The following ZC4H2 variants were observed in gnomAD, a reference collection of about 807,000 sequenced individuals.
ZC4H2 encodes the protein zinc finger C4H2-type containing.
For missense variants in ZC4H2, 137 were observed against 173.9 expected (o/e 0.79, Z 1.19); for synonymous variants, 84 against 66.3 (o/e 1.27, Z -1.30).
In ZC4H2 at chrX:64,916,894, C is replaced by T. The variant is rs1199091131; in HGVS notation, c.*889G>A. The T allele has an allele frequency of 8.9e-6, 1 of 112,191 alleles. No homozygotes were observed. Among genetic ancestry groups the T allele is most frequent in the Non-Finnish European group, 1.9e-5 (1 of 53,192 alleles). The allele number at this position is 112,191 out of a possible 1,213,427, so 9.2% of individuals were successfully genotyped here. A position where few individuals can be genotyped will look rare whatever the true frequency, so the allele number is the denominator to read the frequency against. On this transcript the variant is annotated 3_prime_UTR_variant, in exon 5 of 5. Coordinates refer to ENST00000374839, the MANE Select transcript of ZC4H2 (RefSeq NM_018684.4). ...TACTCAAATCTAAATCTACTCCTCTCCTCCCTGCAATATACCATTGAGCAT... is the reference window on the plus strand; with the variant it reads ...TACTCAAATCTAAATCTACTCCTCTTCTCCCTGCAATATACCATTGAGCAT...
intron 1 of ZC4H2, among the ~76,000 whole-genome samples, chrX:64,964,133 T>C (rs1931502140): frequency 9.0e-6 from 1 of 111,193 alleles, no homozygotes. Flanking sequence ...TGCTTCTAGT[T>C]AACAATACTG....
chrX:64,956,516 G>C (rs1931161804), intron 1 of ZC4H2, among the ~76,000 whole-genome samples: 1 of 111,498 alleles, frequency 9.0e-6, no homozygotes, highest in African/African-American at 3.3e-5. Flanking sequence ...GGTAACTTAT[G>C]AATTACACGC....
chrX:64,959,629 C>G (rs1023435275), intron 1 of ZC4H2, among the ~76,000 whole-genome samples: 3 of 108,592 alleles, frequency 2.8e-5, no homozygotes, highest in African/African-American at 1.0e-4. Context: ...ATGGTGAAAT[C>G]TTTTTGAGGA....
chrX:64,948,338 T>C (rs1212245458), intron 1 of ZC4H2, among the ~76,000 whole-genome samples: 1 of 111,026 alleles, frequency 9.0e-6, no homozygotes, highest in Non-Finnish European at 1.9e-5. Context: ...TGGCAGTAAA[T>C]GGCAATATTG....
At chrX:64,963,495 A>G (rs1038041378) in intron 1 of ZC4H2, among the ~76,000 whole-genome samples, 14 of 111,819 alleles carry the variant, frequency 1.3e-4, no homozygotes, top group Admixed American at 6.6e-4. Flanking sequence ...GTAAAATGGC[A>G]AACTGCATAA....
chrX:64,966,918 C>G (rs967307952), intron 1 of ZC4H2, among the ~76,000 whole-genome samples: 2 of 111,491 alleles, frequency 1.8e-5, no homozygotes, highest in African/African-American at 6.5e-5. Context: ...GAATTGTACA[C>G]TTGAAATGGA....
chrX:64,951,604 G>C lies in ZC4H2; in HGVS notation c.53+24721C>G, dbSNP rs1023287125. ...TTTGGCTGCATAAATGTCTTCTTTT[G>C]AGAAGTGTCTGTTCATGTCCTTCGC... On this transcript the variant is annotated intron_variant, in intron 1 of 4. Coordinates refer to ENST00000374839, the MANE Select transcript of ZC4H2 (RefSeq NM_018684.4). Among the ~76,000 whole-genome samples the C allele has an allele frequency of 4.5e-5, 5 of 111,948 alleles. 1 individual carries two copies. The highest frequency in any genetic ancestry group is 9.4e-5 in the Non-Finnish European group (5 of 53,230).
intron 1 of ZC4H2, among the ~76,000 whole-genome samples, chrX:64,946,751 G>A (rs759389413): frequency 1.2e-4 from 13 of 111,727 alleles, no homozygotes; most frequent in African/African-American, 3.9e-4. Context: ...GGATTTCACA[G>A]CACAGGTAAT....
At chrX:64,969,793 A>AT (rs1931716559) in intron 1 of ZC4H2, among the ~76,000 whole-genome samples, 1 of 111,986 alleles carries the variant, frequency 8.9e-6, no homozygotes, top group African/African-American at 3.2e-5. Context: ...AGAGGGTCAC[A>AT]TAAAAAGAGG....
intron 1 of ZC4H2, among the ~76,000 whole-genome samples, chrX:64,940,560 G>A (rs1930233657): frequency 9.0e-6 from 1 of 111,477 alleles, no homozygotes. Context: ...AATTCATCCT[G>A]AGTTAATTTT....
At chrX:64,964,193 T>C (rs1465364854) in intron 1 of ZC4H2, among the ~76,000 whole-genome samples, 2 of 108,940 alleles carry the variant, frequency 1.8e-5, no homozygotes, top group African/African-American at 6.7e-5. Context: ...TCTGTGACCT[T>C]ACCACAGTAA....
intron 1 of ZC4H2, among the ~76,000 whole-genome samples, chrX:64,936,938 C>T (rs900715436): frequency 1.8e-5 from 2 of 111,483 alleles, no homozygotes; most frequent in East Asian, 2.8e-4. Flanking sequence ...TAAATGTAAA[C>T]GAGCTAAATG....
intron 1 of ZC4H2, among the ~76,000 whole-genome samples, chrX:64,928,856 TCTC>T (rs1197305244): frequency 4.0e-5 from 4 of 100,370 alleles, no homozygotes; most frequent in Non-Finnish European, 8.0e-5. Flanking sequence ...TCCTCCTCCT[TCTC>T]CTTCTTCTCC....
chrX:65,008,301 G>A (rs745885040), intron 1 of ZC4H2, among the ~76,000 whole-genome samples: 43 of 111,655 alleles, frequency 3.9e-4, no homozygotes, highest in Non-Finnish European at 7.5e-4. Context: ...TTGTCTAAAA[G>A]ATAGGCAATA....
At chrX:64,992,625 C>T (rs747567736) in intron 1 of ZC4H2, among the ~76,000 whole-genome samples, 2 of 111,443 alleles carry the variant, frequency 1.8e-5, no homozygotes, top group African/African-American at 3.3e-5. Context: ...TTCGGACTTG[C>T]CTGCTCTGCC....
intron 1 of ZC4H2, among the ~76,000 whole-genome samples, chrX:65,002,080 G>A (rs1307596561): frequency 1.8e-5 from 2 of 111,405 alleles, no homozygotes; most frequent in Non-Finnish European, 3.8e-5. Context: ...CTCAGCTCTA[G>A]ACCAAGTGGA....
At chrX:64,930,122 T>A (rs1929674832) in intron 1 of ZC4H2, among the ~76,000 whole-genome samples, 1 of 111,417 alleles carries the variant, frequency 9.0e-6, no homozygotes. Context: ...TATTATTATT[T>A]TTGCGGCTGT....
intron 1 of ZC4H2, among the ~76,000 whole-genome samples, chrX:65,019,568 C>G (rs971926326): frequency 8.9e-6 from 1 of 112,349 alleles, no homozygotes; most frequent in Non-Finnish European, 1.9e-5. Flanking sequence ...GATAAATCCA[C>G]GAAGATGGGG....
Position 64,976,390 on chromosome X carries a change from C to G in ZC4H2, c.-13G>C. On this transcript the variant is annotated 5_prime_UTR_variant, in exon 1 of 5. Coordinates refer to ENST00000374839, the MANE Select transcript of ZC4H2 (RefSeq NM_018684.4). ...GCTCATCTGCCATACTTTTCACTGT[C>G]AATTTCACGTCCCGAGAGATGTACA... The G allele has an allele frequency of 1.6e-5, 19 of 1,209,201 alleles. No homozygotes were observed. The highest frequency in any genetic ancestry group is 2.1e-5 in the Non-Finnish European group (19 of 893,136).
Sources: gnomAD v4.1 joint callset for allele counts (sites outside exome capture counted in the v4.1 genomes callset) on GRCh38, gnomAD v4.1.1 for gene constraint, MANE v1.5 for transcripts, NCBI Gene and HGNC (gene_info 2026-07-23, HGNC 2026-07-21) for gene names.